SGK3: variants seen among roughly 807,000 people sequenced by gnomAD.
The protein encoded by SGK3 is serine/threonine-protein kinase Sgk3.
A neutral mutation model predicts 68.5 loss-of-function variants in SGK3; 47 were observed. That is an observed-to-expected ratio of 0.69 (90% CI 0.54 to 0.87). The LOEUF (loss-of-function observed/expected upper bound fraction) is 0.87, where lower values mean the gene tolerates loss of function less well. Ranked by LOEUF, SGK3 falls within the 40% of genes least tolerant of loss-of-function variation. The probability of loss-of-function intolerance (pLI) is 0.00; values close to 1 mark genes in which losing one functional copy is unlikely to be tolerated. For synonymous variants in SGK3, 181 were observed against 189.1 expected, an observed-to-expected ratio of 0.96 and a Z score of 0.35; for missense variants, 479 against 575.5, an observed-to-expected ratio of 0.83 and a Z score of 1.72.
chr8:66,842,559 G>A (rs181910177), intron 13 of SGK3, among the ~76,000 whole-genome samples: 13 of 152,208 alleles, frequency 8.5e-5, no homozygotes, highest in African/African-American at 3.1e-4. Flanking sequence ...TATGGGAAGA[G>A]GTAATATATT....
intron 5 of SGK3, among the ~76,000 whole-genome samples, chr8:66,820,371 C>G (rs1184578181): frequency 6.6e-6 from 1 of 152,122 alleles, no homozygotes; most frequent in East Asian, 1.9e-4. Flanking sequence ...CACGTTATAG[C>G]ATGTGTTAGT....
intron 1 of SGK3, among the ~76,000 whole-genome samples, chr8:66,782,515 G>T (rs918380733): frequency 7.9e-5 from 12 of 151,946 alleles, no homozygotes; most frequent in African/African-American, 2.9e-4. Context: ...ATTCCATTAG[G>T]GTTCACTCCT....
chr8:66,726,620 T>TACCTAATAGAAAAAGACTAAATATTTTAC (rs1186738339), intron 1 of SGK3, among the ~76,000 whole-genome samples: 1 of 151,984 alleles, frequency 6.6e-6, no homozygotes, highest in Non-Finnish European at 1.5e-5. Context: ...ATGTATTTTA[T>TACCTAATAGAAAAAGACTAAATATTTTAC]ACCTAATAGA....
chr8:66,726,391 AG>A lies in SGK3; in HGVS notation c.-122+13563del. Among the ~76,000 whole-genome samples, 3 of 152,234 alleles carry A rather than the reference AG, an allele frequency of 2.0e-5. No individual in the cohort carries two copies. In the Middle Eastern group the frequency reaches 0.01, roughly 518 times the overall value. ...TGAGGTTCCCCGGTGTTAACTGATAAGGGGGTAAAAGCTGACTCCTCTCAAA... is the reference window on the plus strand; with the variant it reads ...TGAGGTTCCCCGGTGTTAACTGATAAGGGGTAAAAGCTGACTCCTCTCAAA... On this transcript the variant is annotated intron_variant, in intron 1 of 16. Transcript: ENST00000521198.
intron 1 of SGK3, among the ~76,000 whole-genome samples, chr8:66,716,463 C>T (rs1000003612): frequency 6.7e-6 from 1 of 149,270 alleles, no homozygotes; most frequent in Non-Finnish European, 1.5e-5. Context: ...TAGTAAAGGA[C>T]TTGAGAAATT....
chr8:66,784,381 T>TTA (rs1162563960), intron 1 of SGK3, among the ~76,000 whole-genome samples: 5 of 152,166 alleles, frequency 3.3e-5, no homozygotes, highest in Non-Finnish European at 4.4e-5. Context: ...TTATTTCCCT[T>TTA]TATGCCTTGG....
intron 3 of SGK3, among the ~76,000 whole-genome samples, chr8:66,800,379 CT>C (rs35415180): frequency 0.027 from 2,780 of 102,360 alleles, 65 homozygotes; most frequent in African/African-American, 0.085. Flanking sequence ...TTTTTCATTT[CT>C]TTTTTTTTTT....
chr8:66,843,363 A>C (rs1208075522), intron 13 of SGK3, 89 bp from the exon 14 acceptor site: 18 of 1,333,182 alleles, frequency 1.4e-5, no homozygotes, highest in South Asian at 7.8e-5. Context: ...TGATAGCAAC[A>C]ACTAAAATTT....
chr8:66,791,879 A>AG (rs1331202910), intron 1 of SGK3, among the ~76,000 whole-genome samples: 1 of 152,210 alleles, frequency 6.6e-6, no homozygotes, highest in African/African-American at 2.4e-5. Context: ...CAGGTGGGCC[A>AG]GGCTCTGGTC....
chr8:66,749,369 C>A (rs1805746590), intron 1 of SGK3, among the ~76,000 whole-genome samples: 2 of 152,016 alleles, frequency 1.3e-5, no homozygotes, highest in African/African-American at 4.8e-5. Context: ...CCAGTCTGAG[C>A]TACAGAGTGA....
At chr8:66,714,637 AT>A (rs1486898674) in intron 1 of SGK3, among the ~76,000 whole-genome samples, 3 of 152,330 alleles carry the variant, frequency 2.0e-5, no homozygotes, top group African/African-American at 7.2e-5. Flanking sequence ...TATATTAATA[AT>A]TTATGACACA....
intron 4 of SGK3, among the ~76,000 whole-genome samples, chr8:66,805,184 C>T (rs1341599347): frequency 6.6e-6 from 1 of 152,066 alleles, no homozygotes; most frequent in Non-Finnish European, 1.5e-5. Context: ...TAAATATATA[C>T]TGTGTACATA....
intron 1 of SGK3, among the ~76,000 whole-genome samples, chr8:66,779,645 A>G (rs1806894549): frequency 6.9e-6 from 1 of 144,936 alleles, no homozygotes; most frequent in Non-Finnish European, 1.5e-5. Flanking sequence ...ATATACACAT[A>G]TATACATTTT....
At chr8:66,829,940 T>C (rs1411928227) in intron 7 of SGK3, among the ~76,000 whole-genome samples, 1 of 150,708 alleles carries the variant, frequency 6.6e-6, no homozygotes, top group African/African-American at 2.4e-5. Flanking sequence ...TGGTGCAATC[T>C]CCACTCACCG....
chr8:66,742,184 G>A (rs932534897), intron 1 of SGK3, among the ~76,000 whole-genome samples: 7 of 152,068 alleles, frequency 4.6e-5, no homozygotes, highest in African/African-American at 1.2e-4. Context: ...ATGAAAGAAA[G>A]GATATCTCTT....
chr8:66,839,545 A>ATG (rs1809703961), intron 10 of SGK3, among the ~76,000 whole-genome samples: 1 of 75,490 alleles, frequency 1.3e-5, no homozygotes, highest in Non-Finnish European at 2.5e-5. Flanking sequence ...ATATATATAT[A>ATG]TATATATATA....
At chr8:66,853,956 A>G (rs1810399733) in intron 16 of SGK3, among the ~76,000 whole-genome samples, 1 of 152,230 alleles carries the variant, frequency 6.6e-6, no homozygotes, top group Non-Finnish European at 1.5e-5. Context: ...CAACCAACAC[A>G]AAACAAGTGC....
chr8:66,807,084 G>A (rs1808199417), intron 4 of SGK3, among the ~76,000 whole-genome samples: 1 of 152,134 alleles, frequency 6.6e-6, no homozygotes, highest in Non-Finnish European at 1.5e-5. Context: ...TAGATAATGA[G>A]TATGGGGACT....
intron 1 of SGK3, among the ~76,000 whole-genome samples, chr8:66,730,449 A>G (rs908154953): frequency 6.6e-6 from 1 of 152,088 alleles, no homozygotes; most frequent in Non-Finnish European, 1.5e-5. Context: ...TTAATTTTTA[A>G]TGAAACCCAT....
Sources: allele counts gnomAD v4.1 joint callset (sites outside exome capture counted in the v4.1 genomes callset), GRCh38; gene constraint gnomAD v4.1.1; transcripts MANE v1.5; gene names NCBI Gene and HGNC (gene_info 2026-07-23, HGNC 2026-07-21).